Variants in HHAT observed in about 807,000 individuals in gnomAD.
The protein encoded by HHAT is protein-cysteine N-palmitoyltransferase HHAT.
In HHAT, 47 loss-of-function variants were observed where a neutral mutation model predicts 70.8. The ratio of observed to expected loss-of-function variants is 0.66; its 90% CI spans 0.53 to 0.85. The LOEUF (loss-of-function observed/expected upper bound fraction) is 0.85. Among genes scored for constraint, HHAT ranks in the 40% least tolerant of loss-of-function variants. The pLI is 0.00. For synonymous variants in HHAT, 228 were observed against 247.6 expected (o/e 0.92, Z 0.74); for missense variants, 609 against 604.8 (o/e 1.01, Z -0.07).
intron 10 of HHAT, among the ~76,000 whole-genome samples, chr1:210,619,222 G>A (rs984467246): frequency 6.6e-6 from 1 of 152,116 alleles, no homozygotes; most frequent in Non-Finnish European, 1.5e-5. Context: ...TAGAGACCAT[G>A]TGGACAACTG....
intron 8 of HHAT, among the ~76,000 whole-genome samples, chr1:210,499,603 A>G (rs1193532803): frequency 6.6e-6 from 1 of 151,898 alleles, no homozygotes; most frequent in African/African-American, 2.4e-5. Context: ...GGATTGTGCC[A>G]CTGCACTCCA....
intron 9 of HHAT, among the ~76,000 whole-genome samples, chr1:210,573,303 C>G (rs1656798840): frequency 6.6e-6 from 1 of 152,176 alleles, no homozygotes; most frequent in African/African-American, 2.4e-5. Context: ...CTGCTCTGCC[C>G]TGCTCTGTGC....
chr1:210,667,431 G>A (rs1679156935), intron 11 of HHAT, among the ~76,000 whole-genome samples: 1 of 151,002 alleles, frequency 6.6e-6, no homozygotes, highest in East Asian at 1.9e-4. Flanking sequence ...CACATCTTTT[G>A]TCTGAACACC....
chr1:210,493,936 AG>A (rs1162341421), intron 8 of HHAT, among the ~76,000 whole-genome samples: 1 of 152,218 alleles, frequency 6.6e-6, no homozygotes, highest in Non-Finnish European at 1.5e-5. Context: ...CTGTCTTTAA[AG>A]TAGGCACTTG....
chr1:210,648,764 A>G (rs1674563971), intron 11 of HHAT, among the ~76,000 whole-genome samples: 1 of 152,258 alleles, frequency 6.6e-6, no homozygotes, highest in Non-Finnish European at 1.5e-5. Flanking sequence ...GAGTGGCTGT[A>G]TGTATGCATG....
At chr1:210,660,149 T>G (rs1677339034) in intron 11 of HHAT, among the ~76,000 whole-genome samples, 1 of 152,348 alleles carries the variant, frequency 6.6e-6, no homozygotes, top group African/African-American at 2.4e-5. Context: ...AAGACATGAT[T>G]GTATATTTAG....
chr1:210,334,689 A>G (rs1045883352), intron 1 of HHAT, among the ~76,000 whole-genome samples: 4 of 148,960 alleles, frequency 2.7e-5, no homozygotes, highest in African/African-American at 9.9e-5. Context: ...TTTTATTTTT[A>G]TTTTTATTTT....
intron 8 of HHAT, among the ~76,000 whole-genome samples, chr1:210,475,408 T>C (rs569717360): frequency 1.3e-5 from 2 of 152,222 alleles, no homozygotes; most frequent in Non-Finnish European, 2.9e-5. Flanking sequence ...TTTATTGTGA[T>C]ATGATCACCC....
At chr1:210,545,776 A>T (rs1011720943) in intron 9 of HHAT, among the ~76,000 whole-genome samples, 1 of 152,098 alleles carries the variant, frequency 6.6e-6, no homozygotes, top group African/African-American at 2.4e-5. Flanking sequence ...CTCATCTCTC[A>T]GTAAAATTGT....
chr1:210,388,141 C>A lies in HHAT; in HGVS notation c.273+560C>A, dbSNP rs17759583. Reference sequence around the variant, plus strand: ...GCTACCAAGGGACCTGATATACTGCCAGGAGGATCTTTCTGTCACCTGGGG... The same window carrying A: ...GCTACCAAGGGACCTGATATACTGCAAGGAGGATCTTTCTGTCACCTGGGG... On this transcript the variant is annotated intron_variant, in intron 4 of 11. Coordinates refer to ENST00000261458, the MANE Select transcript of HHAT (RefSeq NM_018194.6). 6.6e-3 allele frequency among the ~76,000 whole-genome samples: 1,012 copies of A among 152,282 alleles called. 6 individuals are homozygous for A. The highest frequency in any genetic ancestry group is 0.011 in the South Asian group (51 of 4,824).
At chr1:210,469,337 T>G (rs1471744558) in intron 8 of HHAT, among the ~76,000 whole-genome samples, 1 of 152,116 alleles carries the variant, frequency 6.6e-6, no homozygotes, top group Non-Finnish European at 1.5e-5. Context: ...CACCATCTTG[T>G]CACTAGATGA....
At chr1:210,416,483 T>G (rs1293293153) in intron 6 of HHAT, among the ~76,000 whole-genome samples, 1 of 152,228 alleles carries the variant, frequency 6.6e-6, no homozygotes, top group East Asian at 1.9e-4. Context: ...TTATATTTGT[T>G]TAGTGGTATA....
intron 10 of HHAT, chr1:210,590,229 T>G (rs1271882709): frequency 6.6e-6 from 1 of 152,162 alleles, no homozygotes; most frequent in South Asian, 2.1e-4. Context: ...AACATCCAAA[T>G]GCACACAATT....
chr1:210,435,518 C>T (rs2148338730), intron 7 of HHAT, among the ~76,000 whole-genome samples: 1 of 151,672 alleles, frequency 6.6e-6, no homozygotes, highest in Admixed American at 6.5e-5. Context: ...TATGGTGGTT[C>T]TATTTTTGTT....
At chr1:210,385,252 C>CTTTTTTTTTTTTTTTT (rs55887436) in intron 3 of HHAT, among the ~76,000 whole-genome samples, 1 of 138,894 alleles carries the variant, frequency 7.2e-6, no homozygotes, top group African/African-American at 2.7e-5. Flanking sequence ...ATATGTTTTT[C>CTTTTTTTTTTTTTTTT]TTTTTTTTTT....
chr1:210,574,346 A>G (rs1047281612), intron 9 of HHAT, among the ~76,000 whole-genome samples: 39 of 152,162 alleles, frequency 2.6e-4, no homozygotes, highest in African/African-American at 9.4e-4. Context: ...AATGAAGTTA[A>G]TGACTGGGGT....
Position 210,370,163 on chromosome 1 carries a change from CTTTTTTTTTTT to C in HHAT, c.159+7260_159+7270del, listed in dbSNP as rs200442278. ...TATTTTCTCCTAGCTTCTTCAATGA[CTTTTTTTTTTT>C]TTTTTTTTTTTTTTTCCTGAATGCA... is the stretch of plus-strand genomic sequence containing the variant. On this transcript the variant is annotated intron_variant, in intron 3 of 11. Coordinates refer to ENST00000261458, the MANE Select transcript of HHAT (RefSeq NM_018194.6). Among the ~76,000 whole-genome samples, 810 of 122,370 alleles carry C rather than the reference CTTTTTTTTTTT, an allele frequency of 6.6e-3. 15 individuals are homozygous for C. The highest frequency in any genetic ancestry group is 0.024 in the African/African-American group (716 of 29,542). 80.3% of individuals were successfully genotyped at this position (122,370 alleles called of 152,430 possible).
At chr1:210,576,948 T>G (rs1337534453) in intron 9 of HHAT, among the ~76,000 whole-genome samples, 1 of 152,172 alleles carries the variant, frequency 6.6e-6, no homozygotes, top group African/African-American at 2.4e-5. Context: ...TTATTCTTTT[T>G]TGTTGTTCTT....
chr1:210,425,163 CTG>C (rs2093024806), intron 7 of HHAT, among the ~76,000 whole-genome samples: 1 of 152,088 alleles, frequency 6.6e-6, no homozygotes, highest in African/African-American at 2.4e-5. Context: ...TTTGGAAAGT[CTG>C]TTTATGTCCT....
Sources: allele counts gnomAD v4.1 joint callset (sites outside exome capture counted in the v4.1 genomes callset), GRCh38; gene constraint gnomAD v4.1.1; transcripts MANE v1.5; gene names NCBI Gene and HGNC (gene_info 2026-07-23, HGNC 2026-07-21).